Variants in PDE8A observed in about 807,000 individuals in gnomAD.
The protein encoded by PDE8A is high affinity cAMP-specific and IBMX-insensitive 3',5'-cyclic phosphodiesterase 8A.
PDE8A carries 59 observed loss-of-function variants against 105.0 expected under a neutral mutation model. That is an observed-to-expected ratio of 0.56 (90% CI 0.46 to 0.70). The LOEUF (loss-of-function observed/expected upper bound fraction) is 0.70, where lower values mean the gene tolerates loss of function less well. PDE8A is among the 30% of genes least tolerant of loss of function. PDE8A has a pLI of 0.00. For synonymous variants in PDE8A, 355 were observed against 371.9 expected (o/e 0.95, Z 0.52); for missense variants, 1,014 against 1,045.9 (o/e 0.97, Z 0.42).
At chr15:84,982,410 T>A (rs1428936036) in intron 1 of PDE8A, 62 bp downstream of exon 1, 9 of 1,129,472 alleles carry the variant, frequency 8.0e-6, no homozygotes, top group Non-Finnish European at 9.1e-6. Flanking sequence ...TAAGCAACTT[T>A]CCCGCAGGGG....
chr15:85,020,025 C>T (rs781401635), intron 1 of PDE8A, among the ~76,000 whole-genome samples: 12 of 131,698 alleles, frequency 9.1e-5, no homozygotes, highest in South Asian at 5.1e-4. Flanking sequence ...CTTTGCAGGC[C>T]GGGTGGTTGG....
chr15:85,073,967 G>A (rs756667682), intron 3 of PDE8A, among the ~76,000 whole-genome samples: 4 of 152,234 alleles, frequency 2.6e-5, no homozygotes, highest in Admixed American at 1.3e-4. Flanking sequence ...TCTGCAAGGG[G>A]TCTTCCAGCA....
At chr15:85,001,531 A>T (rs1010785927) in intron 1 of PDE8A, among the ~76,000 whole-genome samples, 1 of 152,156 alleles carries the variant, frequency 6.6e-6, no homozygotes, top group African/African-American at 2.4e-5. Flanking sequence ...AGAGTGGAAG[A>T]AGGTCACGGA....
intron 1 of PDE8A, among the ~76,000 whole-genome samples, chr15:84,993,198 C>T (rs1357515371): frequency 2.0e-5 from 3 of 151,654 alleles, no homozygotes; most frequent in Admixed American, 6.6e-5. Flanking sequence ...AATCCCAGCA[C>T]TTTGGGAGGC....
At chr15:85,034,184 G>T (rs1198462792) in intron 1 of PDE8A, among the ~76,000 whole-genome samples, 1 of 152,224 alleles carries the variant, frequency 6.6e-6, no homozygotes, top group Non-Finnish European at 1.5e-5. Context: ...GCAACAGTGA[G>T]AAACTCCGTA....
At chr15:85,060,495 A>C (rs2081126539) in intron 1 of PDE8A, among the ~76,000 whole-genome samples, 1 of 152,212 alleles carries the variant, frequency 6.6e-6, no homozygotes, top group Non-Finnish European at 1.5e-5. Context: ...ATAGCATTAC[A>C]TTGTATTAGG....
In PDE8A at chr15:85,125,972, C is replaced by T. The variant is rs144887218; in HGVS notation, c.2086-235C>T. On this transcript the variant is annotated intron_variant, in intron 19 of 21. Coordinates refer to ENST00000394553, the MANE Select transcript of PDE8A (RefSeq NM_002605.3). The stretch of plus-strand genomic sequence containing the variant: ...AAAGGGGAAGGGCAGATATACCAAC[C>T]CCTAGTGCTACCCTCCACTTCTAGG... Among the ~76,000 whole-genome samples the T allele has an allele frequency of 1.4e-3, 208 of 152,068 alleles. 1 individual carries two copies. Among genetic ancestry groups the T allele is most frequent in the African/African-American group, 4.8e-3 (198 of 41,474 alleles).
In PDE8A at chr15:85,137,837, C is replaced by T; in HGVS notation, c.2424C>T (p.Asn808=). 6.2e-7 allele frequency: 1 copy of T among 1,613,798 alleles called. No individual in the cohort carries two copies. Among genetic ancestry groups the T allele is most frequent in the Non-Finnish European group, 8.5e-7 (1 of 1,179,676 alleles). Residue 808 remains asparagine (N), a synonymous_variant, in exon 22 of 22, where the codon AAC becomes AAT. Transcript: ENST00000394553. ...DLPDLMQHLD[N]NFKYWKGLDE... is the part of the protein sequence containing the mutation. ...CTGATTTAATGCAGCATCTTGACAACAACTTTAAATACTGGAAAGGACTGG... is the reference window on the plus strand; with the variant it reads ...CTGATTTAATGCAGCATCTTGACAATAACTTTAAATACTGGAAAGGACTGG...
At chr15:85,102,471 T>C (rs1281141267) in intron 11 of PDE8A, among the ~76,000 whole-genome samples, 3 of 151,428 alleles carry the variant, frequency 2.0e-5, no homozygotes, top group East Asian at 3.9e-4. Context: ...GGGCCTGTTA[T>C]GGAGAGTCCT....
At chr15:85,070,803 G>A (rs545324456) in intron 3 of PDE8A, among the ~76,000 whole-genome samples, 1 of 152,196 alleles carries the variant, frequency 6.6e-6, no homozygotes, top group African/African-American at 2.4e-5. Flanking sequence ...TAGATTCTGC[G>A]CAGGAAAGTG....
chr15:85,054,249 T>C (rs1388582265), intron 1 of PDE8A, among the ~76,000 whole-genome samples: 1 of 152,242 alleles, frequency 6.6e-6, no homozygotes, highest in Non-Finnish European at 1.5e-5. Context: ...TTTGCATCGA[T>C]GTTCATCAGG....
chr15:85,084,873 C>T (rs942041472), intron 6 of PDE8A, among the ~76,000 whole-genome samples: 1 of 152,110 alleles, frequency 6.6e-6, no homozygotes, highest in African/African-American at 2.4e-5. Flanking sequence ...CTTCTACATA[C>T]GTCCCTAAAT....
Position 85,134,150 on chromosome 15 carries a change from C to T in PDE8A, c.2254-2384C>T, listed in dbSNP as rs544128842. 7.4e-4 allele frequency among the ~76,000 whole-genome samples: 113 copies of T among 152,334 alleles called. 1 individual carries two copies. Among genetic ancestry groups the T allele is most frequent in the African/African-American group, 2.6e-3 (109 of 41,588 alleles). ...TCACATTGGGCCAAAGAGAAGAAATCTAAGCACGAGGGTCTTCACTGACCT... is the reference window on the plus strand; with the variant it reads ...TCACATTGGGCCAAAGAGAAGAAATTTAAGCACGAGGGTCTTCACTGACCT... On this transcript the variant is annotated intron_variant, in intron 20 of 21. Transcript: ENST00000394553.
chr15:85,040,801 C>T (rs1053799041), intron 1 of PDE8A, among the ~76,000 whole-genome samples: 2 of 151,716 alleles, frequency 1.3e-5, no homozygotes, highest in Non-Finnish European at 1.5e-5. Context: ...CCTTGTGATC[C>T]GCCTGCCTTG....
intron 1 of PDE8A, among the ~76,000 whole-genome samples, chr15:85,048,122 G>T (rs148633098): frequency 3.1e-3 from 473 of 152,188 alleles, no homozygotes; most frequent in African/African-American, 0.011. Context: ...GGCATAGTTT[G>T]CATATCTCTC....
At chr15:85,019,896 G>A (rs2080392742) in intron 1 of PDE8A, among the ~76,000 whole-genome samples, 2 of 148,154 alleles carry the variant, frequency 1.3e-5, no homozygotes, top group Non-Finnish European at 1.5e-5. Context: ...TGTATGTTTC[G>A]AAAAGGCTCT....
intron 1 of PDE8A, among the ~76,000 whole-genome samples, chr15:85,060,465 C>T (rs1403579977): frequency 1.3e-5 from 2 of 152,078 alleles, no homozygotes; most frequent in African/African-American, 4.8e-5. Context: ...TAAAATAATA[C>T]AGCATTAAGA....
In PDE8A at chr15:85,014,768, A is replaced by T. The variant is rs186992634; in HGVS notation, c.186+32420A>T. On this transcript the variant is annotated intron_variant, in intron 1 of 21. Coordinates refer to ENST00000394553, the MANE Select transcript of PDE8A (RefSeq NM_002605.3). ...GTCTATGGAGGAATTGTTCATTCTTAAAAAAATTGAAATATAATTCATATA... is the reference window on the plus strand; with the variant it reads ...GTCTATGGAGGAATTGTTCATTCTTTAAAAAATTGAAATATAATTCATATA... 7.2e-5 allele frequency among the ~76,000 whole-genome samples: 11 copies of T among 152,252 alleles called. No homozygotes were observed. The East Asian group carries it at 1.5e-3, about 21-fold the overall frequency.
chr15:85,105,758 C>T (rs1192643049), intron 11 of PDE8A, among the ~76,000 whole-genome samples: 1 of 152,228 alleles, frequency 6.6e-6, no homozygotes, highest in African/African-American at 2.4e-5. Flanking sequence ...GTTCTCTCCA[C>T]TGGCAGGCCG....
Sources: allele counts gnomAD v4.1 joint callset (sites outside exome capture counted in the v4.1 genomes callset), GRCh38; gene constraint gnomAD v4.1.1; transcripts MANE v1.5; gene names NCBI Gene and HGNC (gene_info 2026-07-23, HGNC 2026-07-21).